Variants in EPPK1 observed in about 807,000 individuals in gnomAD.
EPPK1 encodes the protein epiplakin 1.
For synonymous variants in EPPK1, 1,862 were observed against 1,721.2 expected, an observed-to-expected ratio of 1.08 and a Z score of -2.03; for missense variants, 3,823 against 3,673.3, an observed-to-expected ratio of 1.04 and a Z score of -1.05.
chr8:143,870,886 C>T lies in EPPK1; in HGVS notation c.2368G>A (p.Glu790Lys), dbSNP rs1419995437. The change falls in exon 2 of 2, where the codon GAG becomes AAG. Residue 790 changes from glutamate (E) to lysine (K), a missense_variant. Coordinates refer to ENST00000615648, the MANE Select transcript of EPPK1 (RefSeq NM_031308.4). This position sits in a 1 kb window ranked among gnomAD's most constrained non-coding sequence, Gnocchi z 5.2. The part of the protein sequence containing the change: ...QLLERCVRDP[E>K]TGLYLLPLSS... ...AGTGGCAGGAGGTACAGGCCCGTCT[C>T]GGGGTCACGCACACAGCGCTCCAGA... 23 of 1,613,030 alleles carry T rather than the reference C, an allele frequency of 1.4e-5. No individual in the cohort carries two copies. Among genetic ancestry groups the T allele is most frequent in the Middle Eastern group, 1.6e-4 (1 of 6,084 alleles).
chr8:143,869,558 G>A lies in EPPK1; in HGVS notation c.3696C>T (p.Val1232=), dbSNP rs538831508. The A allele has an allele frequency of 4.5e-5, 70 of 1,559,156 alleles. No homozygotes were observed. In the Admixed American group the frequency reaches 6.0e-4, roughly 13 times the overall value. Residue 1232 remains valine, a synonymous_variant, in exon 2 of 2, where the codon GTC becomes GTT. Transcript: ENST00000615648. ...LAQGTQSPAQ[V]AEQPAVKACL... is the part of the protein sequence containing the mutation. ...AGGCCTTCACCGCCGGCTGCTCGGC[G>A]ACCTGGGCGGGCGACTGCGTGCCCT...
chr8:143,866,685 GC>G lies in EPPK1; in HGVS notation c.6568del (p.Ala2190ProfsTer2). The G allele has an allele frequency of 6.2e-7, 1 of 1,613,268 alleles. No individual in the cohort carries two copies. The highest frequency in any genetic ancestry group is 1.6e-4 in the Middle Eastern group (1 of 6,062). On this transcript the variant is annotated frameshift_variant, in exon 2 of 2. Transcript: ENST00000615648. LOFTEE classifies it low-confidence loss of function (END_TRUNC). The part of the protein sequence containing the change: ...QITASELLSS[A>X]IITEEMLQDL... ...CTGGAGCATTTCCTCCGTGATTATGGCTGAGCTGAGGAGTTCAGAAGCTGTG... is the reference window on the plus strand; with the variant it reads ...CTGGAGCATTTCCTCCGTGATTATGGTGAGCTGAGGAGTTCAGAAGCTGTG...
rs782071803 is a variant in EPPK1, at chr8:143,866,740, G to A, written c.6514C>T (p.Leu2172=). Reference sequence around the variant, plus strand: ...TGTCGTCTAATTCCTTGGAACCACAGGTGTTTGTTGCTGGTTTCCTGCTTC... The same window carrying A: ...TGTCGTCTAATTCCTTGGAACCACAAGTGTTTGTTGCTGGTTTCCTGCTTC... The part of the protein sequence containing the change: ...IEKQETSNKH[L]WFQGIRRQIT... The change falls in exon 2 of 2, where the codon CTG becomes TTG. Residue 2172 remains leucine, a synonymous_variant. Coordinates refer to ENST00000615648, the MANE Select transcript of EPPK1 (RefSeq NM_031308.4). The A allele has an allele frequency of 3.1e-6, 5 of 1,613,498 alleles. No individual in the cohort carries two copies. Among genetic ancestry groups the A allele is most frequent in the Middle Eastern group, 1.6e-4 (1 of 6,062 alleles).
chr8:143,871,374 T>C lies in EPPK1; in HGVS notation c.1880A>G (p.Tyr627Cys), dbSNP rs782333817. 21 of 1,607,954 alleles carry C rather than the reference T, an allele frequency of 1.3e-5. 1 individual carries two copies. Among genetic ancestry groups the C allele is most frequent in the Admixed American group, 1.2e-4 (7 of 59,316 alleles). Residue 627 changes from tyrosine (Y) to cysteine (C), a missense_variant, in exon 2 of 2, where the codon TAT becomes TGT. Physicochemically the swap from Tyr to Cys is radical, Grantham distance 194 (BLOSUM62 -2). Coordinates refer to ENST00000615648, the MANE Select transcript of EPPK1 (RefSeq NM_031308.4). The stretch of plus-strand genomic sequence containing the variant: ...GAGGAGCCCCTTGCATCGGGCCTCA[T>C]AGATGCTCAGGCGTTCCTGGGAGCC... ...LPGSQERLSIYEARCKGLLRP... is the reference protein window; with the variant it reads ...LPGSQERLSICEARCKGLLRP...
rs1478597188 is a variant in EPPK1, at chr8:143,868,889, C to T, written c.4365G>A (p.Val1455=). The T allele has an allele frequency of 3.7e-6, 6 of 1,610,880 alleles. No individual in the cohort carries two copies. Among genetic ancestry groups the T allele is most frequent in the Non-Finnish European group, 5.1e-6 (6 of 1,179,860 alleles). The part of the protein sequence containing the change: ...HTAVALRAMK[V]PVSTGRFKGC... ...CCTTAAACCTCCCTGTGCTGACGGG[C>T]ACCTTCATGGCCCTCAGAGCCACCG... The change falls in exon 2 of 2, where the codon GTG becomes GTA. Residue 1455 remains valine, a synonymous_variant. Coordinates refer to ENST00000615648, the MANE Select transcript of EPPK1 (RefSeq NM_031308.4).
chr8:143,867,410 C>G lies in EPPK1; in HGVS notation c.5844G>C (p.Lys1948Asn). Residue 1948 changes from lysine to asparagine, a missense_variant, in exon 2 of 2, where the codon AAG becomes AAC. Lys to Asn is a moderately conservative substitution (Grantham distance 94). Coordinates refer to ENST00000615648, the MANE Select transcript of EPPK1 (RefSeq NM_031308.4). ...GFLLDPCTRQ[K>N]LSVDEAVDVG... ...CATCCACAGCCTCATCCACAGAGAGCTTCTGGCGGGTGCAGGGGTCCAGGA... is the reference window on the plus strand; with the variant it reads ...CATCCACAGCCTCATCCACAGAGAGGTTCTGGCGGGTGCAGGGGTCCAGGA... 1 of 1,612,890 alleles carries G rather than the reference C, an allele frequency of 6.2e-7. No individual in the cohort carries two copies.
In EPPK1 at chr8:143,873,146, G is replaced by T. The variant is rs781898781; in HGVS notation, c.108C>A (p.Pro36=). The T allele has an allele frequency of 1.3e-6, 2 of 1,587,026 alleles. No homozygotes were observed. Among genetic ancestry groups the T allele is most frequent in the Admixed American group, 3.5e-5 (2 of 56,530 alleles). Reference sequence around the variant, plus strand: ...CAGCTATGCTCCTGGCCTGGGGCCTGGGGGGCGTGCCGGCTCCCAGCGTGG... The same window carrying T: ...CAGCTATGCTCCTGGCCTGGGGCCTTGGGGGCGTGCCGGCTCCCAGCGTGG... ...MAATLGAGTP[P]RPQARSIAGV... Residue 36 remains proline (P), a synonymous_variant, in exon 2 of 2, where the codon CCC becomes CCA. Coordinates refer to ENST00000615648, the MANE Select transcript of EPPK1 (RefSeq NM_031308.4).
rs1007980322 is a variant in EPPK1 at position 143,869,356 on chromosome 8, C to A, written c.3898G>T (p.Val1300Leu). 1.2e-6 allele frequency: 2 copies of A among 1,610,698 alleles called. No homozygotes were observed. The highest frequency in any genetic ancestry group is 1.7e-6 in the Non-Finnish European group (2 of 1,179,014). ...VDPLNNQRLS[V>L]EDAVKVGLVG... ...AGGCCGACCTTAACCGCGTCCTCCA[C>A]TGACAGTCTCTGGTTGTTCAGGGGG... is the stretch of plus-strand genomic sequence containing the variant. Residue 1300 changes from valine to leucine, a missense_variant, in exon 2 of 2, where the codon GTG (valine) becomes TTG (leucine). Physicochemically the swap from Val to Leu is conservative, Grantham distance 32. Coordinates refer to ENST00000615648, the MANE Select transcript of EPPK1 (RefSeq NM_031308.4).
chr8:143,871,768 C>T lies in EPPK1; in HGVS notation c.1486G>A (p.Ala496Thr), dbSNP rs368661220. 60 of 1,610,840 alleles carry T rather than the reference C, an allele frequency of 3.7e-5. No individual in the cohort carries two copies. In the African/African-American group the frequency reaches 7.3e-4, roughly 20 times the overall value. The change falls in exon 2 of 2, where the codon GCC becomes ACC. Residue 496 changes from alanine to threonine, a missense_variant. By Grantham distance (58) the Ala-to-Thr change is moderately conservative (BLOSUM62 0). Coordinates refer to ENST00000615648, the MANE Select transcript of EPPK1 (RefSeq NM_031308.4). ...CGGAACTTCCCCACAGAGACGGTGG[C>T]TGTGGCCGTGCTCAGGGCCTGCCGA... is the stretch of plus-strand genomic sequence containing the variant. Reference protein sequence around the residue: ...STRQALSTATATVSVGKFRGR... With the variant: ...STRQALSTATTTVSVGKFRGR...
chr8:143,857,896 C>CAAAAAAAAAAAA lies in EPPK1; in HGVS notation c.*79_*90dup, dbSNP rs35186960. On this transcript the variant is annotated 3_prime_UTR_variant, in exon 2 of 2. Transcript: ENST00000615648. Reference sequence around the variant, plus strand: ...GTAAAACAACAAAATTAAAGAATGACAAAAAAAAAAAAAAAAAAAAAAACA... The same window carrying CAAAAAAAAAAAA: ...GTAAAACAACAAAATTAAAGAATGACAAAAAAAAAAAAAAAAAAAAAAAAAAAAAAAAAAACA... 13 of 437,912 alleles carry CAAAAAAAAAAAA rather than the reference C, an allele frequency of 3.0e-5. No homozygotes were observed. The highest frequency in any genetic ancestry group is 4.3e-4 in the Middle Eastern group (1 of 2,314). The allele number at this position is 437,912 out of a possible 1,614,324, so 27.1% of individuals were successfully genotyped here. A position where few individuals can be genotyped will look rare whatever the true frequency, so the allele number is the denominator to read the frequency against.
Position 143,872,293 on chromosome 8 carries a change from C to G in EPPK1, c.961G>C (p.Ala321Pro). The G allele has an allele frequency of 6.2e-7, 1 of 1,603,084 alleles. No individual in the cohort carries two copies. The highest frequency in any genetic ancestry group is 1.3e-5 in the African/African-American group (1 of 74,870). ...ACCAGGGTGTGGGTGGCAGCCTGGG[C>G]CTCTAGGAGTGGCAGCGCGGTGCCC... ...PMGTALPLLE[A>P]QAATHTLVDP... Residue 321 changes from alanine to proline, a missense_variant, in exon 2 of 2, where the codon GCC becomes CCC. Physicochemically the swap from Ala to Pro is conservative, Grantham distance 27 (BLOSUM62 -1). Transcript: ENST00000615648.
rs1554660027 is a variant in EPPK1, at chr8:143,868,677, T to C, written c.4577A>G (p.Lys1526Arg). The change falls in exon 2 of 2, where the codon AAG becomes AGG. Residue 1526 changes from lysine (K) to arginine (R), a missense_variant. By Grantham distance (26) the Lys-to-Arg change is conservative (BLOSUM62 2). Coordinates refer to ENST00000615648, the MANE Select transcript of EPPK1 (RefSeq NM_031308.4). ...GAACAGGTCCCTGGCTGACACCTGCTTCCGGAGCCCTCTGAAGGTGGCCTG... is the reference window on the plus strand; with the variant it reads ...GAACAGGTCCCTGGCTGACACCTGCCTCCGGAGCCCTCTGAAGGTGGCCTG... ...PLQATFRGLR[K>R]QVSARDLFRA... The C allele has an allele frequency of 3.2e-6, 5 of 1,582,144 alleles. No individual in the cohort carries two copies. The highest frequency in any genetic ancestry group is 1.8e-5 in the Admixed American group (1 of 55,260).
At position 143,868,921 on chromosome 8, in the gene EPPK1, G is replaced by C. The variant is rs1554660153; in HGVS notation, c.4333C>G (p.His1445Asp). The change falls in exon 2 of 2, where the codon CAC (histidine) becomes GAC (aspartate). Residue 1445 changes from histidine (H) to aspartate (D), a missense_variant. Coordinates refer to ENST00000615648, the MANE Select transcript of EPPK1 (RefSeq NM_031308.4). ...PSDTVLEVDDHTAVALRAMKV... is the reference protein window; with the variant it reads ...PSDTVLEVDDDTAVALRAMKV... Reference sequence around the variant, plus strand: ...ATGGCCCTCAGAGCCACCGCGGTGTGGTCGTCCACCTCAAGCACTGTGTCT... The same window carrying C: ...ATGGCCCTCAGAGCCACCGCGGTGTCGTCGTCCACCTCAAGCACTGTGTCT... 1 of 1,611,014 alleles carries C rather than the reference G, an allele frequency of 6.2e-7. No individual in the cohort carries two copies. Among genetic ancestry groups the C allele is most frequent in the Non-Finnish European group, 8.5e-7 (1 of 1,179,832 alleles).
chr8:143,870,497 CAT>C lies in EPPK1; in HGVS notation c.2755_2756del (p.Met919GlyfsTer67). 1 of 1,606,830 alleles carries C rather than the reference CAT, an allele frequency of 6.2e-7. No individual in the cohort carries two copies. The highest frequency in any genetic ancestry group is 1.3e-5 in the African/African-American group (1 of 74,956). ...GTISPEALLL[M>X]DGVRRYLCGL... Reference sequence around the variant, plus strand: ...CGCACAGGTACCTGCGGACGCCGTCCATGAGTAGGAGGGCCTCCGGGCTGATT... The same window carrying C: ...CGCACAGGTACCTGCGGACGCCGTCCGAGTAGGAGGGCCTCCGGGCTGATT... On this transcript the variant is annotated frameshift_variant, in exon 2 of 2. Coordinates refer to ENST00000615648, the MANE Select transcript of EPPK1 (RefSeq NM_031308.4). LOFTEE classifies it low-confidence loss of function (END_TRUNC). This position sits in a 1 kb window ranked among gnomAD's most constrained non-coding sequence, Gnocchi z 5.2.
rs1819529310 is a variant in EPPK1, at chr8:143,878,409, A to ACCTG, written c.-46+28_-46+29insCAGG. 2.1e-4 allele frequency: 19 copies of ACCTG among 91,618 alleles called. 1 individual carries two copies. The highest frequency in any genetic ancestry group is 2.9e-4 in the Admixed American group (3 of 10,450). The allele number at this position is 91,618 out of a possible 1,614,324, so 5.7% of individuals were successfully genotyped here. ...CGCCGCACCTGCCCGCACCCGCCGC[A>ACCTG]CCCGCCGCACCCGCCGCACCCGCCG... On this transcript the variant is annotated intron_variant, in intron 1 of 1. Transcript: ENST00000615648.
Position 143,870,509 on chromosome 8 carries a change from G to T in EPPK1, c.2745C>A (p.Ala915=), listed in dbSNP as rs782337123. The T allele has an allele frequency of 1.2e-6, 2 of 1,606,798 alleles. No homozygotes were observed. The highest frequency in any genetic ancestry group is 1.7e-5 in the Admixed American group (1 of 59,836). The change falls in exon 2 of 2, where the codon GCC becomes GCA. Residue 915 remains alanine, a synonymous_variant. Transcript: ENST00000615648. This position sits in a 1 kb window ranked among gnomAD's most constrained non-coding sequence, Gnocchi z 5.2. ...QVLAGTISPE[A]LLLMDGVRRY... is the part of the protein sequence containing the mutation. ...TGCGGACGCCGTCCATGAGTAGGAG[G>T]GCCTCCGGGCTGATTGTCCCGGCCA...
chr8:143,869,663 G>A lies in EPPK1; in HGVS notation c.3591C>T (p.Pro1197=), dbSNP rs368852781. 75 of 1,595,714 alleles carry A rather than the reference G, an allele frequency of 4.7e-5. No homozygotes were observed. The East Asian group carries it at 6.4e-4, about 14-fold the overall frequency. ...CAGCGGGTACCTCACCCCGTGGGCC[G>A]GGCACCATGACGCGGGCCTGGGCCA... ...KLLAQARVMV[P]GPRGEVPAVW... Residue 1197 remains proline, a synonymous_variant, in exon 2 of 2, where the codon CCC becomes CCT. Coordinates refer to ENST00000615648, the MANE Select transcript of EPPK1 (RefSeq NM_031308.4).
chr8:143,867,428 G>T lies in EPPK1; in HGVS notation c.5826C>A (p.Asp1942Glu), dbSNP rs576788732. 20 of 1,612,786 alleles carry T rather than the reference G, an allele frequency of 1.2e-5. No individual in the cohort carries two copies. In the East Asian group the frequency reaches 4.5e-4, roughly 36 times the overall value. The change falls in exon 2 of 2, where the codon GAC becomes GAA. Residue 1942 changes from aspartate (D) to glutamate (E), a missense_variant. Transcript: ENST00000615648. ...CAGAGAGCTTCTGGCGGGTGCAGGG[G>T]TCCAGGAGGAACCCGGTGGCGGCCT... The part of the protein sequence containing the change: ...EAQAATGFLL[D>E]PCTRQKLSVD...
rs918698518 is a variant in EPPK1, at chr8:143,871,240, C to A, written c.2014G>T (p.Val672Phe). Residue 672 changes from valine (V) to phenylalanine (F), a missense_variant, in exon 2 of 2, where the codon GTC (valine) becomes TTC (phenylalanine). Coordinates refer to ENST00000615648, the MANE Select transcript of EPPK1 (RefSeq NM_031308.4). ...HSVEEALRAA[V>F]IGPDVFAKLL... ...TTCGCGAACACATCAGGCCCAATGACAGCAGCCCTCAGTGCCTCCTCAACG... is the reference window on the plus strand; with the variant it reads ...TTCGCGAACACATCAGGCCCAATGAAAGCAGCCCTCAGTGCCTCCTCAACG... The A allele has an allele frequency of 2.5e-6, 4 of 1,613,148 alleles. No individual in the cohort carries two copies. The South Asian group carries it at 4.4e-5, about 18-fold the overall frequency.
Sources: allele counts gnomAD v4.1 joint callset, GRCh38; gene constraint gnomAD v4.1.1; non-coding constraint Gnocchi (gnomAD v3.1); transcripts MANE v1.5; gene names NCBI Gene and HGNC (gene_info 2026-07-23, HGNC 2026-07-21).